The following USP35 variants were observed in gnomAD, a reference collection of about 807,000 sequenced individuals.
USP35 encodes the protein ubiquitin specific peptidase 35, also known as ubiquitin carboxyl-terminal hydrolase 35.
A neutral mutation model predicts 83.8 loss-of-function variants in USP35; 69 were observed. That is an observed-to-expected ratio of 0.82 (90% CI 0.68 to 1.01). USP35 has a LOEUF of 1.01. USP35 is among the 50% of genes least tolerant of loss of function. USP35 has a pLI of 0.00. For synonymous variants in USP35, 714 were observed against 589.5 expected, an observed-to-expected ratio of 1.21 and a Z score of -3.06; for missense variants, 1,503 against 1,362.5, an observed-to-expected ratio of 1.10 and a Z score of -1.62.
chr11:78,207,729 C>G (rs1360051524), intron 8 of USP35, 106 bp downstream of exon 8: 1 of 1,168,258 alleles, frequency 8.6e-7, no homozygotes, highest in Admixed American at 2.0e-5. Context: ...GCTGTCATCT[C>G]CCATGTCAGT....
intron 6 of USP35, among the ~76,000 whole-genome samples, chr11:78,205,460 A>G (rs2137046349): frequency 6.6e-6 from 1 of 152,334 alleles, no homozygotes; most frequent in East Asian, 1.9e-4. Context: ...TGACATCCTG[A>G]CATTACTGGA....
chr11:78,208,603 T>C (rs1001090021), intron 8 of USP35, among the ~76,000 whole-genome samples: 1 of 152,182 alleles, frequency 6.6e-6, no homozygotes, highest in African/African-American at 2.4e-5. Context: ...ATGTTTGAGG[T>C]GTGCCAGGAA....
At chr11:78,194,031 C>T (rs137958432) in intron 1 of USP35, among the ~76,000 whole-genome samples, 4,154 of 151,136 alleles carry the variant, frequency 0.027, 59 homozygotes, top group South Asian at 0.046. Context: ...CGCGCCCGGC[C>T]GCATCTGAGC....
rs1256443515 is a variant in USP35, at chr11:78,214,583, AGCTGCAACAGCAG to A, written c.*771_*783del. The A allele has an allele frequency of 6.6e-6, 1 of 152,266 alleles. No homozygotes were observed. The highest frequency in any genetic ancestry group is 1.5e-5 in the Non-Finnish European group (1 of 68,086). The allele number at this position is 152,266 out of a possible 1,614,324, so 9.4% of individuals were successfully genotyped here. A position where few individuals can be genotyped will look rare whatever the true frequency, so the allele number is the denominator to read the frequency against. Reference sequence around the variant, plus strand: ...GCTCCTCTGAGCAGTTGGCCTTTGTAGCTGCAACAGCAGCCACCTGCAGGTTGGGTGAAGTGCC... The same window carrying A: ...GCTCCTCTGAGCAGTTGGCCTTTGTACCACCTGCAGGTTGGGTGAAGTGCC... On this transcript the variant is annotated 3_prime_UTR_variant, in exon 11 of 11. Coordinates refer to ENST00000529308, the MANE Select transcript of USP35 (RefSeq NM_020798.4).
chr11:78,207,804 C>T (rs1201712350), intron 8 of USP35, among the ~76,000 whole-genome samples, 181 bp downstream of exon 8: 2 of 152,242 alleles, frequency 1.3e-5, no homozygotes, highest in Non-Finnish European at 2.9e-5. Context: ...CAGGAGAAGG[C>T]GGGCCCCCTT....
Position 78,213,527 on chromosome 11 carries a change from CTG to C in USP35, c.2890-113_2890-112del, listed in dbSNP as rs1224461279. 1.7e-5 allele frequency: 21 copies of C among 1,201,786 alleles called. No homozygotes were observed. In the Admixed American group the frequency reaches 2.4e-4, roughly 14 times the overall value. 74.4% of individuals were successfully genotyped at this position (1,201,786 alleles called of 1,614,324 possible). ...ATCCTGCCACTGAGCTGCAATGTCT[CTG>C]TGTGTCCAGGCCCTGGGGACCTAGA... On this transcript the variant is annotated intron_variant, in intron 10 of 10. Transcript: ENST00000529308.
In USP35 at chr11:78,205,937, G is replaced by A. The variant is rs761313076; in HGVS notation, c.1293G>A (p.Arg431=). 2.1e-5 allele frequency: 34 copies of A among 1,614,130 alleles called. No individual in the cohort carries two copies. In the Middle Eastern group the frequency reaches 6.6e-4, roughly 31 times the overall value. ...GCGAGCTGGCGGGTTTCTATCCCCG[G>A]CTCATGGCCAAGTCAGACACGGGCA... ...QKSELAGFYP[R]LMAKSDTGKI... Residue 431 remains arginine, a synonymous_variant, in exon 7 of 11, where the codon CGG becomes CGA. Transcript: ENST00000529308.
chr11:78,205,077 T>TG (rs1440017152), intron 6 of USP35, among the ~76,000 whole-genome samples: 21 of 152,244 alleles, frequency 1.4e-4, no homozygotes. Context: ...TGTTGTTCTT[T>TG]GGAAGATACC....
At position 78,196,913 on chromosome 11, in the gene USP35, G is replaced by T; in HGVS notation, c.668G>T (p.Cys223Phe). The change falls in exon 2 of 11, where the codon TGC becomes TTC. Residue 223 changes from cysteine (C) to phenylalanine (F), a missense_variant. Transcript: ENST00000529308. The surrounding 1 kb of genome is among the most constrained non-coding windows in gnomAD (Gnocchi z 4.8). ...CLKELFAVIS[C>F]AEEEPPSSAL... ...AAAGAGCTGTTCGCAGTCATCTCCT[G>T]CGCAGGTGCGTGTGCGGCCGGGGCA... 1 of 1,453,232 alleles carries T rather than the reference G, an allele frequency of 6.9e-7. No individual in the cohort carries two copies. Among genetic ancestry groups the T allele is most frequent in the Non-Finnish European group, 9.0e-7 (1 of 1,106,102 alleles). 90.0% of individuals were successfully genotyped at this position (1,453,232 alleles called of 1,614,324 possible). A position where few individuals can be genotyped will look rare whatever the true frequency, so the allele number is the denominator to read the frequency against.
chr11:78,210,750 C>G lies in USP35; in HGVS notation c.2889+6C>G, dbSNP rs543456. On this transcript the variant is annotated splice_donor_region_variant and intron_variant, in intron 10 of 10. Coordinates refer to ENST00000529308, the MANE Select transcript of USP35 (RefSeq NM_020798.4). ...ACAACATCCTTTACCTACAGGTGAGCTGAGCCGTGGGGCCTTTGATCTGAT... is the reference window on the plus strand; with the variant it reads ...ACAACATCCTTTACCTACAGGTGAGGTGAGCCGTGGGGCCTTTGATCTGAT... 6.5e-7 allele frequency: 1 copy of G among 1,531,616 alleles called. No homozygotes were observed. The highest frequency in any genetic ancestry group is 1.4e-5 in the African/African-American group (1 of 72,566). 94.9% of individuals were successfully genotyped at this position (1,531,616 alleles called of 1,614,324 possible). A position where few individuals can be genotyped will look rare whatever the true frequency, so the allele number is the denominator to read the frequency against.
chr11:78,200,228 C>T lies in USP35; in HGVS notation c.1032C>T (p.Phe344=), dbSNP rs781090025. The T allele has an allele frequency of 4.3e-6, 7 of 1,613,674 alleles. No homozygotes were observed. The African/African-American group carries it at 9.4e-5, about 22-fold the overall frequency. ...CCTTCCAGCACTCCCACGAAGCCTT[C>T]CACCTGGTAAGGTCCCCTGCCTGCT... is the stretch of plus-strand genomic sequence containing the variant. ...LLTFQHSHEA[F]HLLLPHIPPM... Residue 344 remains phenylalanine (F), a synonymous_variant, in exon 5 of 11, where the codon TTC becomes TTT. Transcript: ENST00000529308.
chr11:78,194,656 T>C (rs1451310170), intron 1 of USP35, among the ~76,000 whole-genome samples: 2 of 152,060 alleles, frequency 1.3e-5, no homozygotes, highest in Non-Finnish European at 1.5e-5. Flanking sequence ...TGGGACAAAG[T>C]CTTCAGGAAA....
chr11:78,210,758 T>TG lies in USP35; in HGVS notation c.2889+18dup. 6.6e-7 allele frequency: 1 copy of TG among 1,520,634 alleles called. No individual in the cohort carries two copies. The highest frequency in any genetic ancestry group is 8.8e-7 in the Non-Finnish European group (1 of 1,136,518). The allele number at this position is 1,520,634 out of a possible 1,614,324, so 94.2% of individuals were successfully genotyped here. A position where few individuals can be genotyped will look rare whatever the true frequency, so the allele number is the denominator to read the frequency against. ...CTTTACCTACAGGTGAGCTGAGCCGTGGGGCCTTTGATCTGATCTCTTGGT... is the reference window on the plus strand; with the variant it reads ...CTTTACCTACAGGTGAGCTGAGCCGTGGGGGCCTTTGATCTGATCTCTTGGT... On this transcript the variant is annotated intron_variant, in intron 10 of 10. Transcript: ENST00000529308.
Position 78,210,698 on chromosome 11 carries a change from A to G in USP35, c.2843A>G (p.Lys948Arg), listed in dbSNP as rs1458476013. Residue 948 changes from lysine to arginine, a missense_variant, in exon 10 of 11, where the codon AAG becomes AGG. Coordinates refer to ENST00000529308, the MANE Select transcript of USP35 (RefSeq NM_020798.4). ...GTCCGGACAGAGCCCACCCTGCACAAGGACTTGATGGAAGCCATTTCCAAA... is the reference window on the plus strand; with the variant it reads ...GTCCGGACAGAGCCCACCCTGCACAGGGACTTGATGGAAGCCATTTCCAAA... ...SRVRTEPTLH[K>R]DLMEAISKDN... 2 of 1,589,800 alleles carry G rather than the reference A, an allele frequency of 1.3e-6. No homozygotes were observed. Among genetic ancestry groups the G allele is most frequent in the East Asian group, 4.5e-5 (2 of 44,476 alleles).
At chr11:78,220,272 C>A in the USP35 span, 2 of 1,607,340 alleles carry the variant, frequency 1.2e-6, no homozygotes, top group Non-Finnish European at 1.7e-6. Flanking sequence ...TCTCTGCCTC[C>A]GGGACCCTGA....
chr11:78,230,862 C>T, the USP35 span, among the ~76,000 whole-genome samples: 6 of 152,334 alleles, frequency 3.9e-5, no homozygotes, highest in East Asian at 1.2e-3. Flanking sequence ...AAATACTCAG[C>T]AGTCTTATGG....
In USP35 at chr11:78,210,739, C is replaced by T. The variant is rs750076314; in HGVS notation, c.2884C>T (p.Leu962=). Residue 962 remains leucine (L), a synonymous_variant, in exon 10 of 11, where the codon CTA becomes TTA. Transcript: ENST00000529308. ...EAISKDNILY[L]QEQEKEARSR... is the part of the protein sequence containing the mutation. ...CATTTCCAAAGACAACATCCTTTAC[C>T]TACAGGTGAGCTGAGCCGTGGGGCC... 7 of 1,547,230 alleles carry T rather than the reference C, an allele frequency of 4.5e-6. No individual in the cohort carries two copies. Among genetic ancestry groups the T allele is most frequent in the African/African-American group, 2.7e-5 (2 of 72,980 alleles).
Position 78,206,114 on chromosome 11 carries a change from G to A in USP35, c.1391+79G>A, listed in dbSNP as rs558973731. The A allele has an allele frequency of 6.6e-4, 1,003 of 1,519,148 alleles. 16 individuals are homozygous for A. In the South Asian group the frequency reaches 0.012, roughly 18 times the overall value. 94.1% of individuals were successfully genotyped at this position (1,519,148 alleles called of 1,614,324 possible). On this transcript the variant is annotated intron_variant, in intron 7 of 10. Transcript: ENST00000529308. The stretch of plus-strand genomic sequence containing the variant: ...CCTGATGACAGGTGGAAAGGTGTCC[G>A]GGGTGGGGGTTGGAGAGGGTGGGCC...
At chr11:78,230,445 G>T in the USP35 span, among the ~76,000 whole-genome samples, 1 of 152,158 alleles carries the variant, frequency 6.6e-6, no homozygotes, top group Admixed American at 6.5e-5. Flanking sequence ...CTCTACAAAG[G>T]TATTACAGGT....
Sources: gnomAD v4.1 joint callset for allele counts (sites outside exome capture counted in the v4.1 genomes callset) on GRCh38, gnomAD v4.1.1 for gene constraint, Gnocchi (gnomAD v3.1) non-coding constraint, MANE v1.5 for transcripts, NCBI Gene and HGNC (gene_info 2026-07-23, HGNC 2026-07-21) for gene names.